The following FOXO3 variants were observed in gnomAD, a reference collection of about 807,000 sequenced individuals.
FOXO3 encodes forkhead box O3.
Under a neutral mutation model 41.9 loss-of-function variants are expected in FOXO3, and 4 were observed. The ratio of observed to expected loss-of-function variants is 0.10; its 90% CI spans 0.05 to 0.22. FOXO3 has a LOEUF of 0.22. Among genes scored for constraint, FOXO3 ranks in the 10% least tolerant of loss-of-function variants. The pLI, the probability that FOXO3 is intolerant of heterozygous loss-of-function variation, is 1.00. For missense variants in FOXO3, 534 were observed against 906.8 expected (o/e 0.59, Z 5.28); for synonymous variants, 318 against 389.3 (o/e 0.82, Z 2.16).
chr6:108,629,570 T>C (rs889265915), intron 1 of FOXO3, among the ~76,000 whole-genome samples: 5 of 152,216 alleles, frequency 3.3e-5, no homozygotes, highest in African/African-American at 1.2e-4. Context: ...ATATTCTCTT[T>C]TCAGAAAGGA....
rs561596810 is a variant in FOXO3, at chr6:108,585,011, A to G, written c.621+23182A>G. Among the ~76,000 whole-genome samples the G allele has an allele frequency of 6.3e-4, 68 of 107,882 alleles. 1 individual carries two copies. The Admixed American group carries it at 6.6e-3, about 11-fold the overall frequency. 70.8% of individuals were successfully genotyped at this position (107,882 alleles called of 152,430 possible). A position where few individuals can be genotyped will look rare whatever the true frequency, so the allele number is the denominator to read the frequency against. ...ACTTGCTTTGCCACCAAGAATTGCT[A>G]TCTCCAAAATCTTTTTTTTTTTTTT... On this transcript the variant is annotated intron_variant, in intron 1 of 2. Transcript: ENST00000406360.
intron 2 of FOXO3, among the ~76,000 whole-genome samples, chr6:108,673,710 A>G (rs1047993598): frequency 4.6e-5 from 7 of 152,000 alleles, no homozygotes; most frequent in African/African-American, 1.7e-4. Context: ...CCCTCCAGGG[A>G]TCTAGGGCAT....
intron 2 of FOXO3, among the ~76,000 whole-genome samples, chr6:108,671,864 G>T (rs1293206738): frequency 6.6e-6 from 1 of 152,218 alleles, no homozygotes; most frequent in East Asian, 1.9e-4. Context: ...CATTAAAGGG[G>T]CTGTTAAACG....
chr6:108,584,990 GCTTTGCCACCA>G (rs1349146448), intron 1 of FOXO3, among the ~76,000 whole-genome samples: 28 of 121,136 alleles, frequency 2.3e-4, no homozygotes, highest in African/African-American at 8.5e-4. Flanking sequence ...TTTGGCACTT[GCTTTGCCACCA>G]AGAATTGCTA....
intron 1 of FOXO3, among the ~76,000 whole-genome samples, chr6:108,606,403 T>C (rs1777201903): frequency 6.6e-6 from 1 of 152,208 alleles, no homozygotes; most frequent in African/African-American, 2.4e-5. Context: ...TAATCAGGCC[T>C]CTGCAATTGT....
At chr6:108,595,560 A>G (rs1420316682) in intron 1 of FOXO3, among the ~76,000 whole-genome samples, 1 of 152,066 alleles carries the variant, frequency 6.6e-6, no homozygotes, top group African/African-American at 2.4e-5. Context: ...TTATTATTTT[A>G]TGTTCTCTCT....
At chr6:108,644,237 T>A (rs1004772109) in intron 1 of FOXO3, among the ~76,000 whole-genome samples, 8 of 152,342 alleles carry the variant, frequency 5.3e-5, no homozygotes, top group African/African-American at 1.9e-4. Context: ...AGTTTTCTCA[T>A]CTGTAAAATG....
At position 108,681,563 on chromosome 6, in the gene FOXO3, G is replaced by A. The variant is rs1331957374; in HGVS notation, c.*1771G>A. The A allele has an allele frequency of 2.0e-5, 3 of 151,470 alleles. No homozygotes were observed. The highest frequency in any genetic ancestry group is 2.9e-5 in the Non-Finnish European group (2 of 67,834). The allele number at this position is 151,470 out of a possible 1,614,324, so 9.4% of individuals were successfully genotyped here. On this transcript the variant is annotated 3_prime_UTR_variant, in exon 3 of 3. Coordinates refer to ENST00000406360, the MANE Select transcript of FOXO3 (RefSeq NM_001455.4). Reference sequence around the variant, plus strand: ...TGGTGATCACAGCTCCTAGCATAATGAGAGTTCCATTTGGTATTGTCACAC... The same window carrying A: ...TGGTGATCACAGCTCCTAGCATAATAAGAGTTCCATTTGGTATTGTCACAC...
At chr6:108,578,069 G>A (rs1776310973) in intron 1 of FOXO3, among the ~76,000 whole-genome samples, 1 of 152,166 alleles carries the variant, frequency 6.6e-6, no homozygotes, top group Non-Finnish European at 1.5e-5. Context: ...CTGTTCTTTT[G>A]TGCAACCTAA....
rs1439571954 is a variant in FOXO3, at chr6:108,678,905, G to A, written c.*35-922G>A. ...TTTTTTTTTTTTGAGACGGAGTCTC[G>A]CTGTCGCTCAGGCTGGAGTGCAGTG... On this transcript the variant is annotated intron_variant, in intron 2 of 2. Transcript: ENST00000406360. 3.7e-5 allele frequency among the ~76,000 whole-genome samples: 5 copies of A among 136,858 alleles called. No homozygotes were observed. The East Asian group carries it at 6.4e-4, about 17-fold the overall frequency. The allele number at this position is 136,858 out of a possible 152,430, so 89.8% of individuals were successfully genotyped here. A position where few individuals can be genotyped will look rare whatever the true frequency, so the allele number is the denominator to read the frequency against.
chr6:108,631,541 T>A (rs193208884), intron 1 of FOXO3, among the ~76,000 whole-genome samples: 1 of 152,180 alleles, frequency 6.6e-6, no homozygotes, highest in East Asian at 1.9e-4. Context: ...TGGTCCAGGT[T>A]TTTTCTGCTT....
At chr6:108,580,907 A>C (rs897977613) in intron 1 of FOXO3, among the ~76,000 whole-genome samples, 15 of 152,216 alleles carry the variant, frequency 9.9e-5, no homozygotes, top group Non-Finnish European at 7.3e-5. Flanking sequence ...GGGACACTTC[A>C]AACTGCCTTT....
At chr6:108,631,195 GT>G (rs1777963588) in intron 1 of FOXO3, among the ~76,000 whole-genome samples, 2 of 152,164 alleles carry the variant, frequency 1.3e-5, no homozygotes, top group Admixed American at 1.3e-4. Context: ...ATTTGAGTGT[GT>G]TTTATGTAGA....
intron 1 of FOXO3, among the ~76,000 whole-genome samples, chr6:108,577,201 C>CA (rs1776285496): frequency 1.1e-4 from 1 of 8,738 alleles, no homozygotes; most frequent in Non-Finnish European, 3.2e-3. Flanking sequence ...AGTAACTCTT[C>CA]TAAAAAAAAA....
intron 1 of FOXO3, among the ~76,000 whole-genome samples, chr6:108,606,526 A>C (rs1388663816): frequency 3.3e-5 from 5 of 152,230 alleles, no homozygotes; most frequent in Non-Finnish European, 7.3e-5. Context: ...TCGAGTTCCA[A>C]GTGTCTGCAC....
rs146334538 is a variant in FOXO3 at position 108,611,540 on chromosome 6, A to G, written c.621+49711A>G. Among the ~76,000 whole-genome samples, 454 of 152,212 alleles carry G rather than the reference A, an allele frequency of 3.0e-3. 5 individuals are homozygous for G. Among genetic ancestry groups the G allele is most frequent in the Non-Finnish European group, 4.2e-3 (286 of 68,014 alleles). ...CTCTCCAACACATGTAATTGCCAGT[A>G]TTTTTACTTTTCTCCATTGTATAAT... is the stretch of plus-strand genomic sequence containing the variant. On this transcript the variant is annotated intron_variant, in intron 1 of 2. Coordinates refer to ENST00000406360, the MANE Select transcript of FOXO3 (RefSeq NM_001455.4).
At chr6:108,632,366 A>G (rs777706449) in intron 1 of FOXO3, among the ~76,000 whole-genome samples, 5 of 152,116 alleles carry the variant, frequency 3.3e-5, no homozygotes, top group Non-Finnish European at 5.9e-5. Flanking sequence ...CTGCCCACGA[A>G]GCCTGTGGCA....
chr6:108,567,248 C>T (rs551446721), intron 1 of FOXO3, among the ~76,000 whole-genome samples: 15 of 152,328 alleles, frequency 9.8e-5, no homozygotes, highest in South Asian at 8.3e-4. Context: ...GCCTTTAACT[C>T]TCTGCAGATC....
At chr6:108,658,930 G>A (rs1270685720) in intron 1 of FOXO3, among the ~76,000 whole-genome samples, 4 of 152,102 alleles carry the variant, frequency 2.6e-5, no homozygotes, top group Admixed American at 2.6e-4. Context: ...TGTCGCCCAG[G>A]CTGGAGTGCA....
Sources: allele counts gnomAD v4.1 joint callset (sites outside exome capture counted in the v4.1 genomes callset), GRCh38; gene constraint gnomAD v4.1.1; transcripts MANE v1.5; gene names NCBI Gene and HGNC (gene_info 2026-07-23, HGNC 2026-07-21).